CD163L1: variants seen among roughly 807,000 people sequenced by gnomAD.
The protein encoded by CD163L1 is scavenger receptor cysteine-rich type 1 protein M160.
Under a neutral mutation model 165.4 loss-of-function variants are expected in CD163L1, and 124 were observed. The ratio of observed to expected loss-of-function variants is 0.75; its 90% CI spans 0.65 to 0.87. The LOEUF is 0.87. CD163L1 is among the 40% of genes least tolerant of loss of function. CD163L1 has a pLI of 0.00. For missense variants in CD163L1, 1,525 were observed against 1,799.9 expected, an observed-to-expected ratio of 0.85 and a Z score of 2.76; for synonymous variants, 585 against 662.2, an observed-to-expected ratio of 0.88 and a Z score of 1.79.
intron 8 of CD163L1, among the ~76,000 whole-genome samples, chr12:7,386,977 C>A (rs1424886332): frequency 6.6e-6 from 1 of 152,060 alleles, no homozygotes; most frequent in African/African-American, 2.4e-5. Context: ...CTAGCCAGAG[C>A]AATCAGACAA....
intron 19 of CD163L1, among the ~76,000 whole-genome samples, chr12:7,356,905 T>A (rs921322990): frequency 2.6e-5 from 4 of 152,138 alleles, no homozygotes; most frequent in African/African-American, 4.8e-5. Context: ...TGTTTTCTCA[T>A]CAGACAAAGC....
chr12:7,371,865 AATAAAATATATGAATATAT>A (rs1224337797), intron 14 of CD163L1, among the ~76,000 whole-genome samples: 1 of 151,928 alleles, frequency 6.6e-6, no homozygotes, highest in East Asian at 1.9e-4. Context: ...AACATTTTGC[AATAAAATATATGAATATAT>A]ATAAAATATA....
chr12:7,357,480 G>A lies in CD163L1; in HGVS notation c.4286C>T (p.Thr1429Ile). 6.2e-7 allele frequency: 1 copy of A among 1,612,368 alleles called. No homozygotes were observed. The highest frequency in any genetic ancestry group is 1.3e-5 in the African/African-American group (1 of 74,956). ...DPHGTRTSDDTPNHGCEDASD... is the reference protein window; with the variant it reads ...DPHGTRTSDDIPNHGCEDASD... ...AGCATCTTCACAACCATGGTTGGGG[G>A]TGTCATCTGAAAGAAAGGCAAAATC... Residue 1429 changes from threonine to isoleucine, a missense_variant, in exon 19 of 20, where the codon ACC becomes ATC. Transcript: ENST00000313599.
intron 4 of CD163L1, among the ~76,000 whole-genome samples, chr12:7,423,618 T>C (rs1392848252): frequency 6.6e-6 from 1 of 151,872 alleles, no homozygotes; most frequent in Non-Finnish European, 1.5e-5. Context: ...AAGAATCATA[T>C]AGACACAATA....
rs758967445 is a variant in CD163L1, at chr12:7,406,514, T to C, written c.1087+18A>G. On this transcript the variant is annotated intron_variant, in intron 5 of 19. Transcript: ENST00000313599. ...AAAGAAATTTTATCTGATGTAATCA[T>C]GTGGATGTAAGTCTTACCTGAGCAG... 1.6e-5 allele frequency: 26 copies of C among 1,603,518 alleles called. No individual in the cohort carries two copies. The highest frequency in any genetic ancestry group is 2.0e-5 in the Non-Finnish European group (24 of 1,177,424).
At chr12:7,341,810 T>C (rs1415533363), downstream of CD163L1, among the ~76,000 whole-genome samples, 1 of 152,190 alleles carries the variant, frequency 6.6e-6, no homozygotes, top group Non-Finnish European at 1.5e-5. Context: ...TCATTTAGCC[T>C]ATATGGAATT....
the CD163L1 span, among the ~76,000 whole-genome samples, chr12:7,336,219 T>A: frequency 2.8e-3 from 331 of 119,440 alleles, no homozygotes; most frequent in South Asian, 6.0e-3. Context: ...GTATGTTTAT[T>A]GCGGCACTAT....
chr12:7,410,984 C>T (rs1461814414), intron 4 of CD163L1, among the ~76,000 whole-genome samples: 1 of 150,966 alleles, frequency 6.6e-6, no homozygotes, highest in Non-Finnish European at 1.5e-5. Flanking sequence ...CATCTAAGCA[C>T]ATAATGGTAA....
chr12:7,359,035 T>G (rs760896278), intron 18 of CD163L1, among the ~76,000 whole-genome samples: 2 of 151,144 alleles, frequency 1.3e-5, no homozygotes, highest in Non-Finnish European at 3.0e-5. Flanking sequence ...TAATGGAAAC[T>G]TCAAAAACTT....
intron 4 of CD163L1, among the ~76,000 whole-genome samples, chr12:7,408,631 A>C (rs750211363): frequency 2.0e-5 from 3 of 152,164 alleles, no homozygotes; most frequent in Non-Finnish European, 4.4e-5. Flanking sequence ...TTCTCTTCTA[A>C]CTATTTAGAT....
intron 2 of CD163L1, chr12:7,439,902 T>G (rs1565821701): frequency 2.2e-6 from 3 of 1,392,636 alleles, no homozygotes; most frequent in Non-Finnish European, 1.9e-6. Context: ...CTCCAACTCC[T>G]TCTTCGACTT....
At chr12:7,357,550 G>A (rs2136375728) in intron 18 of CD163L1, 64 bp from the exon 19 acceptor site, 2 of 1,344,524 alleles carry the variant, frequency 1.5e-6, no homozygotes, top group South Asian at 1.2e-5. Context: ...GGGAAGAGCT[G>A]TTAAGTGCAG....
In CD163L1 at chr12:7,375,567, G is replaced by C. The variant is rs1947249649; in HGVS notation, c.2715C>G (p.Gly905=). The change falls in exon 11 of 20, where the codon GGC becomes GGG. Residue 905 remains glycine (G), a synonymous_variant. Coordinates refer to ENST00000313599, the MANE Select transcript of CD163L1 (RefSeq NM_174941.6). The stretch of plus-strand genomic sequence containing the variant: ...CCACTTGCCCGTCACACTGGGATTT[G>C]CCATTCACAAGTCGGACATCTGTAT... ...SRYTDVRLVN[G]KSQCDGQVEI... The C allele has an allele frequency of 1.2e-6, 2 of 1,613,024 alleles. No homozygotes were observed. The highest frequency in any genetic ancestry group is 2.7e-5 in the African/African-American group (2 of 74,930).
At chr12:7,383,185 G>C (rs895182255) in intron 8 of CD163L1, among the ~76,000 whole-genome samples, 16 of 152,222 alleles carry the variant, frequency 1.1e-4, no homozygotes, top group African/African-American at 3.9e-4. Context: ...GCCACCCAAA[G>C]GTCTGGAAAT....
intron 8 of CD163L1, among the ~76,000 whole-genome samples, chr12:7,380,299 G>GCGTATACATACATATATGTA (rs1947358778): frequency 7.7e-5 from 4 of 51,728 alleles, no homozygotes; most frequent in East Asian, 4.7e-4. Context: ...GTGTGTGTGT[G>GCGTATACATACATATATGTA]TGTATACACA....
the CD163L1 span, among the ~76,000 whole-genome samples, chr12:7,321,458 C>T: frequency 6.6e-6 from 1 of 152,180 alleles, no homozygotes; most frequent in Non-Finnish European, 1.5e-5. Context: ...AGTGTGGTTG[C>T]CCAAGAGGGA....
At chr12:7,351,763 G>C (rs1470045510), downstream of CD163L1, among the ~76,000 whole-genome samples, 3 of 152,102 alleles carry the variant, frequency 2.0e-5, no homozygotes, top group Non-Finnish European at 4.4e-5. Flanking sequence ...CCTGATTCTA[G>C]GGCTGGGGAA....
chr12:7,440,230 G>T (rs1290175150), intron 2 of CD163L1, among the ~76,000 whole-genome samples: 5 of 152,040 alleles, frequency 3.3e-5, no homozygotes, highest in Non-Finnish European at 7.4e-5. Flanking sequence ...GGCCCTCCGC[G>T]CAGGCAGCCC....
chr12:7,406,895 T>A (rs1565800492), intron 4 of CD163L1, 43 bp from the exon 5 acceptor site: 2 of 1,545,116 alleles, frequency 1.3e-6, no homozygotes, highest in Non-Finnish European at 1.8e-6. Flanking sequence ...GAAGTTTTGA[T>A]CAGAAACTTC....
Sources: gnomAD v4.1 joint callset for allele counts (sites outside exome capture counted in the v4.1 genomes callset) on GRCh38, gnomAD v4.1.1 for gene constraint, MANE v1.5 for transcripts, NCBI Gene and HGNC (gene_info 2026-07-23, HGNC 2026-07-21) for gene names.